Variants in KDM4C observed in about 807,000 individuals in gnomAD.
The protein encoded by KDM4C is lysine demethylase 4C.
Under a neutral mutation model 129.3 loss-of-function variants are expected in KDM4C, and 81 were observed. The observed-to-expected ratio is 0.63, with a 90% confidence interval of 0.52 to 0.75. The LOEUF is 0.75. Ranked by LOEUF, KDM4C falls within the 30% of genes least tolerant of loss-of-function variation. The probability of loss-of-function intolerance (pLI) is 0.00; values close to 1 mark genes in which losing one functional copy is unlikely to be tolerated. For missense variants in KDM4C, 1,457 were observed against 1,304.0 expected (o/e 1.12, Z -1.81); for synonymous variants, 573 against 456.1 (o/e 1.26, Z -3.26).
intron 17 of KDM4C, among the ~76,000 whole-genome samples, chr9:7,071,221 T>C (rs571264717): frequency 6.6e-6 from 1 of 152,190 alleles, no homozygotes; most frequent in African/African-American, 2.4e-5. Flanking sequence ...TGTTAAAATA[T>C]TAATTCTCCA....
intron 18 of KDM4C, among the ~76,000 whole-genome samples, chr9:7,123,673 G>GA (rs766140470): frequency 2.6e-5 from 4 of 152,230 alleles, no homozygotes; most frequent in African/African-American, 9.6e-5. Flanking sequence ...GATGGTAACT[G>GA]AAAGAGTCAT....
At position 6,729,576 on chromosome 9, in the gene KDM4C, AT is replaced by A. The variant is rs1563913430; in HGVS notation, c.49+8584del. Reference sequence around the variant, plus strand: ...AAAAAACAAATCTCCATAACTGATTATTTTTGCTGTATGTCTTGCCTATTGG... The same window carrying A: ...AAAAAACAAATCTCCATAACTGATTATTTTGCTGTATGTCTTGCCTATTGG... On this transcript the variant is annotated intron_variant, in intron 1 of 17. Coordinates refer to the KDM4C transcript ENST00000536108. Among the ~76,000 whole-genome samples, 2 of 134,068 alleles carry A rather than the reference AT, an allele frequency of 1.5e-5. 1 individual carries two copies. The highest frequency in any genetic ancestry group is 4.7e-4 in the East Asian group (2 of 4,298). The allele number at this position is 134,068 out of a possible 152,430, so 88.0% of individuals were successfully genotyped here.
intron 8 of KDM4C, chr9:6,924,905 A>C (rs1278399463): frequency 1.0e-6 from 1 of 984,744 alleles, no homozygotes; most frequent in Non-Finnish European, 1.2e-6. Context: ...TTTGTTGGTC[A>C]GAGTACAGCC....
At chr9:6,825,720 T>G (rs1249280902) in intron 4 of KDM4C, among the ~76,000 whole-genome samples, 3 of 152,250 alleles carry the variant, frequency 2.0e-5, no homozygotes, top group Non-Finnish European at 4.4e-5. Context: ...GCTGGCCTAT[T>G]GCTTTTGTTA....
chr9:7,071,143 C>T (rs763196150), intron 17 of KDM4C, among the ~76,000 whole-genome samples: 4 of 152,068 alleles, frequency 2.6e-5, no homozygotes, highest in East Asian at 1.9e-4. Context: ...AACTATAAAA[C>T]GCTAATAAAG....
intron 11 of KDM4C, among the ~76,000 whole-genome samples, chr9:6,989,523 T>C (rs558420687): frequency 3.3e-5 from 5 of 152,288 alleles, no homozygotes; most frequent in African/African-American, 9.6e-5. Context: ...AAAAAAATCA[T>C]TGGTAAAATT....
upstream of KDM4C, chr9:6,757,809 A>G: frequency 1.0e-6 from 1 of 985,574 alleles, no homozygotes; most frequent in Non-Finnish European, 1.2e-6. Flanking sequence ...CCTGTGTCCA[A>G]AGGACAAGAA....
chr9:7,132,514 G>A (rs751595413), intron 19 of KDM4C, among the ~76,000 whole-genome samples: 2 of 152,180 alleles, frequency 1.3e-5, no homozygotes, highest in African/African-American at 2.4e-5. Flanking sequence ...CAAAATGTGT[G>A]TATCAGCCCA....
At chr9:6,880,500 G>T (rs183426493) in intron 6 of KDM4C, among the ~76,000 whole-genome samples, 37 of 152,080 alleles carry the variant, frequency 2.4e-4, no homozygotes, top group African/African-American at 8.7e-4. Context: ...TCCCCCAAGG[G>T]TTATGTCACT....
At chr9:7,142,853 C>CTGT (rs144534450) in intron 19 of KDM4C, among the ~76,000 whole-genome samples, 4 of 150,136 alleles carry the variant, frequency 2.7e-5, no homozygotes, top group Non-Finnish European at 5.9e-5. Context: ...CTCATACAGG[C>CTGT]TGTGTGTGTG....
intron 15 of KDM4C, among the ~76,000 whole-genome samples, chr9:7,026,855 T>G (rs1056696311): frequency 2.6e-5 from 4 of 151,964 alleles, no homozygotes; most frequent in African/African-American, 9.7e-5. Flanking sequence ...TTCTTCTGCT[T>G]GATCAGTTCT....
At chr9:6,965,602 C>G (rs529727098) in intron 8 of KDM4C, among the ~76,000 whole-genome samples, 11 of 152,210 alleles carry the variant, frequency 7.2e-5, no homozygotes, top group Non-Finnish European at 1.3e-4. Context: ...ACTTTTCTGT[C>G]TGAGAGCTGG....
At chr9:7,172,239 G>T (rs1317938515) in intron 21 of KDM4C, among the ~76,000 whole-genome samples, 1 of 152,172 alleles carries the variant, frequency 6.6e-6, no homozygotes, top group Non-Finnish European at 1.5e-5. Context: ...GACACACGCT[G>T]ACTGGGGGAG....
intron 11 of KDM4C, among the ~76,000 whole-genome samples, chr9:6,988,803 C>G (rs10815500): frequency 0.16 from 24,450 of 151,436 alleles, 2,455 homozygotes; most frequent in African/African-American, 0.28. Context: ...CCCAGATAAT[C>G]ATATGTATGC....
chr9:7,029,188 C>T (rs1379108156), intron 15 of KDM4C, among the ~76,000 whole-genome samples: 1 of 152,082 alleles, frequency 6.6e-6, no homozygotes, highest in Non-Finnish European at 1.5e-5. Context: ...CTAATCTGTG[C>T]ATCAGTTTCT....
At chr9:6,868,351 T>C (rs941920918) in intron 5 of KDM4C, among the ~76,000 whole-genome samples, 3 of 152,060 alleles carry the variant, frequency 2.0e-5, no homozygotes, top group Non-Finnish European at 4.4e-5. Context: ...GTAGGTAACA[T>C]AGCATTCATC....
At chr9:6,840,185 A>T (rs186873175) in intron 4 of KDM4C, among the ~76,000 whole-genome samples, 13 of 149,768 alleles carry the variant, frequency 8.7e-5, no homozygotes, top group Admixed American at 1.3e-4. Flanking sequence ...TGCTCTTTCT[A>T]CCTCAGCCTC....
At chr9:6,940,165 A>G (rs1242153854) in intron 8 of KDM4C, among the ~76,000 whole-genome samples, 2 of 151,546 alleles carry the variant, frequency 1.3e-5, no homozygotes, top group Non-Finnish European at 2.9e-5. Flanking sequence ...AGTATTGGCT[A>G]TTGCAACCTC....
intron 8 of KDM4C, among the ~76,000 whole-genome samples, chr9:6,936,924 G>A (rs944801001): frequency 6.6e-6 from 1 of 152,182 alleles, no homozygotes; most frequent in Admixed American, 6.5e-5. Flanking sequence ...TTAGCATTGA[G>A]AAAATATTCA....
Sources: gnomAD v4.1 joint callset for allele counts (sites outside exome capture counted in the v4.1 genomes callset) on GRCh38, gnomAD v4.1.1 for gene constraint, MANE v1.5 for transcripts, NCBI Gene and HGNC (gene_info 2026-07-23, HGNC 2026-07-21) for gene names.